The following NECAB1 variants were observed in gnomAD, a reference collection of about 807,000 sequenced individuals.
The protein encoded by NECAB1 is N-terminal EF-hand calcium-binding protein 1.
A neutral mutation model predicts 57.5 loss-of-function variants in NECAB1; 29 were observed. The observed-to-expected ratio is 0.50, with a 90% CI of 0.38 to 0.69. The LOEUF is 0.69. NECAB1 is among the 30% of genes least tolerant of loss of function. NECAB1 has a pLI of 0.00. For missense variants in NECAB1, 372 were observed against 413.8 expected (o/e 0.90, Z 0.88); for synonymous variants, 142 against 147.7 (o/e 0.96, Z 0.28).
chr8:90,839,690 G>A (rs1290355462), intron 3 of NECAB1, among the ~76,000 whole-genome samples: 1 of 152,186 alleles, frequency 6.6e-6, no homozygotes, highest in Non-Finnish European at 1.5e-5. Context: ...GAGAGAGAGT[G>A]TGGCATGTTA....
At chr8:90,807,618 A>G (rs1811873252) in intron 2 of NECAB1, among the ~76,000 whole-genome samples, 1 of 152,174 alleles carries the variant, frequency 6.6e-6, no homozygotes, top group African/African-American at 2.4e-5. Flanking sequence ...TCCAGGTAAA[A>G]TGTAAAGATT....
chr8:90,863,942 G>A (rs1808457924), intron 3 of NECAB1, among the ~76,000 whole-genome samples: 1 of 152,044 alleles, frequency 6.6e-6, no homozygotes, highest in African/African-American at 2.4e-5. Context: ...GAACCCATTT[G>A]AACTGTAGCA....
chr8:90,805,303 G>A (rs1250706957), intron 2 of NECAB1, among the ~76,000 whole-genome samples: 1 of 152,160 alleles, frequency 6.6e-6, no homozygotes, highest in Admixed American at 6.6e-5. Flanking sequence ...GTCCCTTGTG[G>A]ACAGCATAAT....
chr8:90,870,366 T>C (rs1808600468), intron 3 of NECAB1, among the ~76,000 whole-genome samples: 1 of 152,202 alleles, frequency 6.6e-6, no homozygotes, highest in African/African-American at 2.4e-5. Context: ...TAATTCCAAA[T>C]TGACAGAAAG....
intron 9 of NECAB1, among the ~76,000 whole-genome samples, chr8:90,937,034 TGAA>T (rs1201061303): frequency 1.3e-5 from 2 of 152,072 alleles, no homozygotes; most frequent in Non-Finnish European, 2.9e-5. Flanking sequence ...TGCCTGCTCT[TGAA>T]GAAGAAGGAA....
chr8:90,898,259 T>C (rs1289946073), intron 5 of NECAB1, among the ~76,000 whole-genome samples: 1 of 152,114 alleles, frequency 6.6e-6, no homozygotes, highest in Non-Finnish European at 1.5e-5. Context: ...CCCAATGCTC[T>C]CTCTCAAGTC....
intron 12 of NECAB1, among the ~76,000 whole-genome samples, chr8:90,952,067 T>C (rs1460917204): frequency 6.6e-6 from 1 of 152,128 alleles, no homozygotes; most frequent in Non-Finnish European, 1.5e-5. Context: ...GAGAATGTCA[T>C]AATGAGGCTT....
At chr8:90,924,680 C>A (rs1307866785) in intron 6 of NECAB1, among the ~76,000 whole-genome samples, 2 of 152,060 alleles carry the variant, frequency 1.3e-5, no homozygotes, top group East Asian at 3.9e-4. Context: ...TGTTGGCGAT[C>A]CAGCTACCAT....
At chr8:90,917,396 A>G (rs1398595944) in intron 5 of NECAB1, 96 bp from the exon 6 acceptor site, 9 of 1,102,768 alleles carry the variant, frequency 8.2e-6, no homozygotes, top group South Asian at 4.5e-5. Context: ...TCTAGGATCA[A>G]TCTGGGATTG....
intron 8 of NECAB1, among the ~76,000 whole-genome samples, chr8:90,929,570 C>T (rs1810355756): frequency 6.6e-6 from 1 of 152,134 alleles, no homozygotes; most frequent in African/African-American, 2.4e-5. Context: ...CAAAATTCTG[C>T]TTCCCAGAAG....
intron 3 of NECAB1, among the ~76,000 whole-genome samples, chr8:90,832,820 G>T: frequency 6.6e-6 from 1 of 152,114 alleles, no homozygotes; most frequent in East Asian, 1.9e-4. Context: ...AGGTCTGCCT[G>T]AAAACCAAAC....
intron 8 of NECAB1, among the ~76,000 whole-genome samples, chr8:90,929,151 A>G (rs1158544277): frequency 6.6e-6 from 1 of 152,188 alleles, no homozygotes; most frequent in Non-Finnish European, 1.5e-5. Flanking sequence ...TGGGATTCAT[A>G]GTTCATGGTC....
At chr8:90,888,032 T>G (rs2129928071) in intron 5 of NECAB1, among the ~76,000 whole-genome samples, 1 of 152,290 alleles carries the variant, frequency 6.6e-6, no homozygotes, top group African/African-American at 2.4e-5. Context: ...TTTTCTATTT[T>G]CAGACAGTCC....
intron 6 of NECAB1, among the ~76,000 whole-genome samples, chr8:90,923,429 T>A (rs1184897707): frequency 2.0e-5 from 3 of 152,154 alleles, no homozygotes; most frequent in African/African-American, 7.2e-5. Flanking sequence ...ATCTGATTAA[T>A]CCCAGAGAAA....
intron 1 of NECAB1, among the ~76,000 whole-genome samples, chr8:90,795,443 T>C (rs553927373): frequency 5.3e-5 from 8 of 152,260 alleles, no homozygotes; most frequent in African/African-American, 1.7e-4. Flanking sequence ...TTACTGCTTG[T>C]CTTCCCTTCC....
intron 10 of NECAB1, among the ~76,000 whole-genome samples, chr8:90,945,582 C>G (rs1215826137): frequency 6.6e-6 from 1 of 152,162 alleles, no homozygotes; most frequent in African/African-American, 2.4e-5. Flanking sequence ...GCCCTCTTGC[C>G]ATGTCTTTTC....
chr8:90,850,966 C>T (rs1048981468), intron 3 of NECAB1, among the ~76,000 whole-genome samples: 3 of 152,060 alleles, frequency 2.0e-5, no homozygotes, highest in Admixed American at 1.3e-4. Flanking sequence ...ATTAGAGGAT[C>T]GGAACTTTCA....
intron 3 of NECAB1, among the ~76,000 whole-genome samples, chr8:90,864,071 A>G: frequency 6.6e-6 from 1 of 152,146 alleles, no homozygotes; most frequent in Non-Finnish European, 1.5e-5. Flanking sequence ...GTTTATAGCA[A>G]TTTGATATTG....
At chr8:90,917,151 C>T (rs891079362) in intron 5 of NECAB1, among the ~76,000 whole-genome samples, 24 of 152,148 alleles carry the variant, frequency 1.6e-4, no homozygotes, top group Admixed American at 1.4e-3. Context: ...CTGAGTTAGT[C>T]ACATTCTGAT....
Sources: gnomAD v4.1 joint callset for allele counts (sites outside exome capture counted in the v4.1 genomes callset) on GRCh38, gnomAD v4.1.1 for gene constraint, MANE v1.5 for transcripts, NCBI Gene and HGNC (gene_info 2026-07-23, HGNC 2026-07-21) for gene names.